PSME3IP1: variants seen among roughly 807,000 people sequenced by gnomAD.
PSME3IP1 encodes PSME3-interacting protein.
PSME3IP1 carries 13 observed loss-of-function variants against 34.1 expected under a neutral mutation model. That is an observed-to-expected ratio of 0.38 (90% confidence interval 0.25 to 0.61). PSME3IP1 has a LOEUF of 0.61. Among genes scored for constraint, PSME3IP1 ranks in the 20% least tolerant of loss-of-function variants. PSME3IP1 has a pLI of 0.60. For synonymous variants in PSME3IP1, 93 were observed against 114.3 expected (o/e 0.81, Z 1.19); for missense variants, 237 against 301.4 (o/e 0.79, Z 1.58).
intron 6 of PSME3IP1, among the ~76,000 whole-genome samples, chr16:57,157,106 G>T (rs1181674698): frequency 6.6e-6 from 1 of 152,094 alleles, no homozygotes; most frequent in Non-Finnish European, 1.5e-5. Context: ...CCAGGAGTTT[G>T]AGAACAGCCT....
chr16:57,157,442 C>T (rs1430402045), intron 6 of PSME3IP1, among the ~76,000 whole-genome samples: 13 of 151,858 alleles, frequency 8.6e-5, no homozygotes, highest in Admixed American at 3.3e-4. Flanking sequence ...GTGAAAGTTA[C>T]AATCTGGGGC....
At chr16:57,172,918 T>C (rs1301912827) in intron 2 of PSME3IP1, 44 bp from the exon 3 acceptor site, 3 of 1,174,820 alleles carry the variant, frequency 2.6e-6, no homozygotes, top group African/African-American at 1.5e-5. Flanking sequence ...GGGGAGGAGA[T>C]ATACACTTCA....
At chr16:57,185,648 T>TC (rs1280170419) in intron 1 of PSME3IP1, 173 bp downstream of exon 1, 60 of 985,310 alleles carry the variant, frequency 6.1e-5, no homozygotes, top group Non-Finnish European at 7.1e-5. Context: ...CACCCTCAGC[T>TC]CCCCTCAGGC....
chr16:57,162,639 T>C (rs2071391973), intron 6 of PSME3IP1, among the ~76,000 whole-genome samples: 1 of 144,276 alleles, frequency 6.9e-6, no homozygotes, highest in Non-Finnish European at 1.5e-5. Flanking sequence ...CACTCTATCT[T>C]GGGTGATAGA....
chr16:57,178,949 T>C (rs886815023), intron 1 of PSME3IP1: 1 of 259,240 alleles, frequency 3.9e-6, no homozygotes, highest in Non-Finnish European at 6.0e-6. Context: ...CTAATTCCTA[T>C]TGTCTAGGTA....
At position 57,168,856 on chromosome 16, in the gene PSME3IP1, CA is replaced by C. The variant is rs368449066; in HGVS notation, c.349-1631del. Among the ~76,000 whole-genome samples, 517 of 129,364 alleles carry C rather than the reference CA, an allele frequency of 4.0e-3. 3 individuals carry two copies. Among genetic ancestry groups the C allele is most frequent in the Middle Eastern group, 0.016 (4 of 246 alleles). 84.9% of individuals were successfully genotyped at this position (129,364 alleles called of 152,430 possible). A position where few individuals can be genotyped will look rare whatever the true frequency, so the allele number is the denominator to read the frequency against. On this transcript the variant is annotated intron_variant, in intron 4 of 6. Coordinates refer to ENST00000309137, the MANE Select transcript of PSME3IP1 (RefSeq NM_024946.4). Reference sequence around the variant, plus strand: ...ATTTCATCTTTCTAGGAGAGAATGCCAAAAAAAAATTAGCATGTTGTGATTT... The same window carrying C: ...ATTTCATCTTTCTAGGAGAGAATGCCAAAAAAAATTAGCATGTTGTGATTT...
intron 3 of PSME3IP1, 48 bp downstream of exon 3, chr16:57,172,728 A>T (rs1225946395): frequency 7.1e-7 from 1 of 1,414,472 alleles, no homozygotes; most frequent in South Asian, 1.1e-5. Flanking sequence ...AAAGTGCGTC[A>T]AAAGTACCCC....
In PSME3IP1 at chr16:57,154,119, T is replaced by G; in HGVS notation, c.*171A>C. 1 of 611,542 alleles carries G rather than the reference T, an allele frequency of 1.6e-6. No homozygotes were observed. The highest frequency in any genetic ancestry group is 2.9e-6 in the Non-Finnish European group (1 of 350,548). 37.9% of individuals were successfully genotyped at this position (611,542 alleles called of 1,614,324 possible). ...AGTAGAAAGAGGAACCAAACACGAT[T>G]CGGGCCACAGGTGGATTCTGGCACA... On this transcript the variant is annotated 3_prime_UTR_variant, in exon 7 of 7. Coordinates refer to ENST00000309137, the MANE Select transcript of PSME3IP1 (RefSeq NM_024946.4). The surrounding 1 kb of genome is among the most constrained non-coding windows in gnomAD (Gnocchi z 4.0).
chr16:57,161,551 A>G (rs1044763876), intron 6 of PSME3IP1, among the ~76,000 whole-genome samples: 2 of 135,040 alleles, frequency 1.5e-5, no homozygotes, highest in Non-Finnish European at 3.1e-5. Context: ...TCCCTCTGTC[A>G]CCCAGGCTGG....
In PSME3IP1 at chr16:57,154,176, T is replaced by C. The variant is rs2145338129; in HGVS notation, c.*114A>G. The C allele has an allele frequency of 1.2e-6, 1 of 806,264 alleles. No individual in the cohort carries two copies. The highest frequency in any genetic ancestry group is 2.0e-6 in the Non-Finnish European group (1 of 502,200). 49.9% of individuals were successfully genotyped at this position (806,264 alleles called of 1,614,324 possible). On this transcript the variant is annotated 3_prime_UTR_variant, in exon 7 of 7. Transcript: ENST00000309137. This position sits in a 1 kb window ranked among gnomAD's most constrained non-coding sequence, Gnocchi z 4.0. ...GATTGGATTGGTTAAAAATGTCATG[T>C]TGTACACAGGATGCAGGCAAAGGAG...
At chr16:57,159,362 C>G (rs1184846882) in intron 6 of PSME3IP1, among the ~76,000 whole-genome samples, 1 of 152,206 alleles carries the variant, frequency 6.6e-6, no homozygotes, top group Non-Finnish European at 1.5e-5. Context: ...CTGCCAACTT[C>G]TGCATTTGCA....
At chr16:57,182,316 C>T (rs2145994736) in intron 1 of PSME3IP1, among the ~76,000 whole-genome samples, 1 of 152,030 alleles carries the variant, frequency 6.6e-6, no homozygotes, top group East Asian at 1.9e-4. Flanking sequence ...TCAAGGGTAG[C>T]TTTGCTTGTA....
At chr16:57,166,227 A>T (rs2145661442) in intron 5 of PSME3IP1, among the ~76,000 whole-genome samples, 1 of 152,352 alleles carries the variant, frequency 6.6e-6, no homozygotes, top group South Asian at 2.1e-4. Flanking sequence ...TTCCTAATAG[A>T]CTGCACTTAA....
intron 4 of PSME3IP1, among the ~76,000 whole-genome samples, chr16:57,169,196 A>G (rs2072272402): frequency 6.6e-6 from 1 of 152,208 alleles, no homozygotes; most frequent in Admixed American, 6.5e-5. Context: ...AAATCTCAAG[A>G]AATTCATTAG....
intron 6 of PSME3IP1, among the ~76,000 whole-genome samples, chr16:57,158,064 G>A (rs1475821272): frequency 1.3e-5 from 2 of 152,156 alleles, no homozygotes; most frequent in African/African-American, 4.8e-5. Context: ...GAGCAGGCTT[G>A]CATTCACAAG....
At chr16:57,162,367 T>C (rs2071356528) in intron 6 of PSME3IP1, among the ~76,000 whole-genome samples, 1 of 152,158 alleles carries the variant, frequency 6.6e-6, no homozygotes, top group Non-Finnish European at 1.5e-5. Context: ...AAATTGGCTA[T>C]GTGTTAAAAA....
Position 57,185,597 on chromosome 16 carries a change from CT to C in PSME3IP1, c.-16+223del, listed in dbSNP as rs1282138755. The C allele has an allele frequency of 6.1e-6, 6 of 985,422 alleles. No homozygotes were observed. In the African/African-American group the frequency reaches 1.0e-4, roughly 17 times the overall value. The allele number at this position is 985,422 out of a possible 1,614,324, so 61.0% of individuals were successfully genotyped here. On this transcript the variant is annotated intron_variant, in intron 1 of 6. Coordinates refer to ENST00000309137, the MANE Select transcript of PSME3IP1 (RefSeq NM_024946.4). ...AAACGCCCGGCAGTGTTGGGCCCGC[CT>C]GAAAGGGTCCTCGCCGCGACCCAGA... is the stretch of plus-strand genomic sequence containing the variant.
At position 57,154,542 on chromosome 16, in the gene PSME3IP1, C is replaced by T. The variant is rs1281172014; in HGVS notation, c.548-35G>A. Reference sequence around the variant, plus strand: ...AAGGGGAAAGACTGTCACTTCATCACCCTTTTCCAAAGTTGGGGACTGACT... The same window carrying T: ...AAGGGGAAAGACTGTCACTTCATCATCCTTTTCCAAAGTTGGGGACTGACT... On this transcript the variant is annotated intron_variant, in intron 6 of 6. Coordinates refer to ENST00000309137, the MANE Select transcript of PSME3IP1 (RefSeq NM_024946.4). This position sits in a 1 kb window ranked among gnomAD's most constrained non-coding sequence, Gnocchi z 4.0. 1 of 1,534,360 alleles carries T rather than the reference C, an allele frequency of 6.5e-7. No individual in the cohort carries two copies. The highest frequency in any genetic ancestry group is 8.8e-7 in the Non-Finnish European group (1 of 1,135,748).
chr16:57,173,885 A>C lies in PSME3IP1; in HGVS notation c.-15-16T>G. On this transcript the variant is annotated splice_polypyrimidine_tract_variant and intron_variant, in intron 1 of 6. Transcript: ENST00000309137. ...AACAACCAATCTACAAAACAAAAAC[A>C]AAAACAAAAAAAATCATTTCAAGTG... 1.3e-6 allele frequency: 2 copies of C among 1,599,594 alleles called. No homozygotes were observed. Among genetic ancestry groups the C allele is most frequent in the Non-Finnish European group, 1.7e-6 (2 of 1,173,838 alleles).
Sources: gnomAD v4.1 joint callset for allele counts (sites outside exome capture counted in the v4.1 genomes callset) on GRCh38, gnomAD v4.1.1 for gene constraint, Gnocchi (gnomAD v3.1) non-coding constraint, MANE v1.5 for transcripts, NCBI Gene and HGNC (gene_info 2026-07-23, HGNC 2026-07-21) for gene names.